NSL1: variants seen among roughly 807,000 people sequenced by gnomAD.
The protein encoded by NSL1 is NSL1 component of MIS12 kinetochore complex, also known as kinetochore-associated protein NSL1 homolog.
NSL1 carries 11 observed loss-of-function variants against 25.4 expected under a neutral mutation model. That is an observed-to-expected ratio of 0.43 (90% confidence interval 0.27 to 0.72). The LOEUF (loss-of-function observed/expected upper bound fraction) is 0.72, where lower values mean the gene tolerates loss of function less well. Ranked by LOEUF, NSL1 falls within the 30% of genes least tolerant of loss-of-function variation. The pLI, the probability that NSL1 is intolerant of heterozygous loss-of-function variation, is 0.19. For synonymous variants in NSL1, 118 were observed against 120.6 expected, an observed-to-expected ratio of 0.98 and a Z score of 0.14; for missense variants, 330 against 342.7, an observed-to-expected ratio of 0.96 and a Z score of 0.29.
chr1:212,790,075 G>A (rs1024360398), intron 1 of NSL1, among the ~76,000 whole-genome samples: 6 of 151,802 alleles, frequency 4.0e-5, no homozygotes, highest in African/African-American at 1.2e-4. Flanking sequence ...GTGCAGTGGC[G>A]AGATCTGGGC....
Position 212,728,659 on chromosome 1 carries a change from C to T in NSL1, c.*9749G>A. 1.0e-6 allele frequency: 1 copy of T among 985,436 alleles called. No homozygotes were observed. The allele number at this position is 985,436 out of a possible 1,614,324, so 61.0% of individuals were successfully genotyped here. On this transcript the variant is annotated 3_prime_UTR_variant, in exon 6 of 6. Coordinates refer to ENST00000366977, the MANE Select transcript of NSL1 (RefSeq NM_015471.4). ...TCTGATGAGTGAAGGGAACCACAGG[C>T]TTATCTGCACATCACTTATACCATT...
rs12747251 is a variant in NSL1 at position 212,729,747 on chromosome 1, G to A, written c.*8661C>T. On this transcript the variant is annotated 3_prime_UTR_variant, in exon 6 of 6. Transcript: ENST00000366977. The stretch of plus-strand genomic sequence containing the variant: ...TCCTCTCTTTTCCTTTTTCCTATCC[G>A]CTCTTCTGGTGGAGATGCTCGGCTA... 0.48 allele frequency: 473,513 copies of A among 984,936 alleles called. 117,243 individuals carry two copies. Among genetic ancestry groups the A allele is most frequent in the Non-Finnish European group, 0.5 (418,881 of 829,766 alleles). 61.0% of individuals were successfully genotyped at this position (984,936 alleles called of 1,614,324 possible).
At chr1:212,752,171 T>C (rs142911668) in intron 4 of NSL1, among the ~76,000 whole-genome samples, 106 of 152,368 alleles carry the variant, frequency 7.0e-4, no homozygotes, top group African/African-American at 2.4e-3. Flanking sequence ...AATTTTTTCA[T>C]CATAAATGTA....
At chr1:212,790,409 C>T (rs1661150239) in intron 1 of NSL1, among the ~76,000 whole-genome samples, 1 of 152,112 alleles carries the variant, frequency 6.6e-6, no homozygotes, top group African/African-American at 2.4e-5. Flanking sequence ...GAAAACTTTA[C>T]TAAGATCATA....
At position 212,738,227 on chromosome 1, in the gene NSL1, A is replaced by G; in HGVS notation, c.*181T>C. ...AATGCTTTTTATTTACAATAGATAA[A>G]ACAGTAAGGAAATACAATATTATAT... On this transcript the variant is annotated 3_prime_UTR_variant, in exon 6 of 6. Coordinates refer to ENST00000366977, the MANE Select transcript of NSL1 (RefSeq NM_015471.4). 7.4e-7 allele frequency: 1 copy of G among 1,354,416 alleles called. No homozygotes were observed. Among genetic ancestry groups the G allele is most frequent in the Non-Finnish European group, 9.5e-7 (1 of 1,056,132 alleles). The allele number at this position is 1,354,416 out of a possible 1,614,324, so 83.9% of individuals were successfully genotyped here. A position where few individuals can be genotyped will look rare whatever the true frequency, so the allele number is the denominator to read the frequency against.
At chr1:212,771,587 T>G (rs1261201969) in intron 4 of NSL1, among the ~76,000 whole-genome samples, 1 of 72,202 alleles carries the variant, frequency 1.4e-5, no homozygotes, top group Non-Finnish European at 3.0e-5. Flanking sequence ...TGTTCTTACA[T>G]AGAGAAAAAC....
At chr1:212,789,054 T>C (rs1462171782) in intron 1 of NSL1, among the ~76,000 whole-genome samples, 2 of 152,240 alleles carry the variant, frequency 1.3e-5, no homozygotes, top group African/African-American at 4.8e-5. Context: ...AATTTTGCTT[T>C]ATGCTACTGT....
chr1:212,761,266 T>C (rs1344131662), intron 4 of NSL1, among the ~76,000 whole-genome samples: 4 of 152,162 alleles, frequency 2.6e-5, no homozygotes, highest in South Asian at 2.1e-4. Flanking sequence ...AAGAAATCTA[T>C]AGGACAGGCA....
chr1:212,738,245 T>C lies in NSL1; in HGVS notation c.*163A>G. 1 of 1,390,112 alleles carries C rather than the reference T, an allele frequency of 7.2e-7. No homozygotes were observed. Among genetic ancestry groups the C allele is most frequent in the Non-Finnish European group, 9.3e-7 (1 of 1,072,278 alleles). 86.1% of individuals were successfully genotyped at this position (1,390,112 alleles called of 1,614,324 possible). A position where few individuals can be genotyped will look rare whatever the true frequency, so the allele number is the denominator to read the frequency against. ...TAGATAAAACAGTAAGGAAATACAA[T>C]ATTATATCATATCCCCGCACAGAGA... On this transcript the variant is annotated 3_prime_UTR_variant, in exon 6 of 6. Transcript: ENST00000366977.
chr1:212,745,565 A>T (rs1658750877), intron 4 of NSL1, among the ~76,000 whole-genome samples: 1 of 152,218 alleles, frequency 6.6e-6, no homozygotes, highest in African/African-American at 2.4e-5. Context: ...GGATATGGTT[A>T]AAGTGCTGAA....
chr1:212,756,016 G>GA (rs2102448446), intron 4 of NSL1, among the ~76,000 whole-genome samples: 1 of 152,182 alleles, frequency 6.6e-6, no homozygotes, highest in East Asian at 1.9e-4. Context: ...TATAAGCACA[G>GA]AAAAAAGGAT....
In NSL1 at chr1:212,729,135, T is replaced by A. The variant is rs1657905857; in HGVS notation, c.*9273A>T. ...GGAATATATTAGTGTTCCATCGTAG[T>A]TTCTAAAACCAGACAAAATCATTTC... On this transcript the variant is annotated 3_prime_UTR_variant, in exon 6 of 6. Coordinates refer to ENST00000366977, the MANE Select transcript of NSL1 (RefSeq NM_015471.4). 1.1e-5 allele frequency: 11 copies of A among 985,474 alleles called. No individual in the cohort carries two copies. Among genetic ancestry groups the A allele is most frequent in the Non-Finnish European group, 1.3e-5 (11 of 829,938 alleles). 61.0% of individuals were successfully genotyped at this position (985,474 alleles called of 1,614,324 possible). A position where few individuals can be genotyped will look rare whatever the true frequency, so the allele number is the denominator to read the frequency against.
At chr1:212,775,984 C>T (rs979127945) in intron 4 of NSL1, among the ~76,000 whole-genome samples, 14 of 152,146 alleles carry the variant, frequency 9.2e-5, no homozygotes, top group African/African-American at 3.1e-4. Context: ...CCCACCACTG[C>T]GCCCGGCTAA....
chr1:212,764,523 C>T (rs1659709541), intron 4 of NSL1, among the ~76,000 whole-genome samples: 1 of 151,716 alleles, frequency 6.6e-6, no homozygotes, highest in African/African-American at 2.4e-5. Context: ...ATTGATAGAC[C>T]ATTAGTGAGA....
At chr1:212,779,414 C>A (rs1219140924) in intron 4 of NSL1, among the ~76,000 whole-genome samples, 11 of 138,662 alleles carry the variant, frequency 7.9e-5, no homozygotes, top group South Asian at 2.4e-4. Flanking sequence ...CCAGCCGCCC[C>A]GTCCGGGAGG....
intron 4 of NSL1, among the ~76,000 whole-genome samples, chr1:212,745,027 T>C (rs1658694785): frequency 6.6e-6 from 1 of 151,986 alleles, no homozygotes; most frequent in Non-Finnish European, 1.5e-5. Context: ...TCCCACCTAC[T>C]CTGGAGGCTG....
intron 4 of NSL1, among the ~76,000 whole-genome samples, chr1:212,768,615 C>G (rs1462937220): frequency 6.6e-6 from 1 of 152,082 alleles, no homozygotes; most frequent in African/African-American, 2.4e-5. Context: ...GTGAAGTAAC[C>G]TAGGAACAGA....
intron 4 of NSL1, among the ~76,000 whole-genome samples, chr1:212,759,856 G>A (rs1659479586): frequency 1.3e-5 from 2 of 152,242 alleles, no homozygotes; most frequent in African/African-American, 4.8e-5. Context: ...GAGGCTGCCC[G>A]TGGGACAGAG....
intron 4 of NSL1, among the ~76,000 whole-genome samples, chr1:212,767,707 C>T (rs972650643): frequency 2.6e-5 from 4 of 152,026 alleles, no homozygotes; most frequent in African/African-American, 9.7e-5. Flanking sequence ...CTACAAGAAA[C>T]TCAAACAAAT....
Sources: allele counts gnomAD v4.1 joint callset (sites outside exome capture counted in the v4.1 genomes callset), GRCh38; gene constraint gnomAD v4.1.1; transcripts MANE v1.5; gene names NCBI Gene and HGNC (gene_info 2026-07-23, HGNC 2026-07-21).